Variants in SPAG16 observed in about 807,000 individuals in gnomAD.
The protein encoded by SPAG16 is sperm-associated antigen 16 protein.
Under a neutral mutation model 80.4 loss-of-function variants are expected in SPAG16, and 86 were observed. The ratio of observed to expected loss-of-function variants is 1.07; its 90% CI spans 0.90 to 1.28. The LOEUF (loss-of-function observed/expected upper bound fraction) is 1.28, where lower values mean the gene tolerates loss of function less well. Among genes scored for constraint, SPAG16 ranks in the 50% most tolerant of loss-of-function variants. SPAG16 has a pLI of 0.00. For synonymous variants in SPAG16, 294 were observed against 265.9 expected, an observed-to-expected ratio of 1.11 and a Z score of -1.03; for missense variants, 870 against 765.3, an observed-to-expected ratio of 1.14 and a Z score of -1.61.
At chr2:213,929,526 A>G (rs1298957583) in intron 11 of SPAG16, among the ~76,000 whole-genome samples, 2 of 152,220 alleles carry the variant, frequency 1.3e-5, no homozygotes, top group African/African-American at 4.8e-5. Flanking sequence ...TGAAGCATTT[A>G]ATTAATCTAA....
intron 14 of SPAG16, among the ~76,000 whole-genome samples, chr2:214,116,222 T>C (rs1184847213): frequency 6.6e-6 from 1 of 152,236 alleles, no homozygotes; most frequent in African/African-American, 2.4e-5. Flanking sequence ...GTCTGCTCAA[T>C]GACAGTGGTC....
intron 13 of SPAG16, among the ~76,000 whole-genome samples, chr2:214,100,024 C>T (rs953520808): frequency 6.6e-6 from 1 of 152,034 alleles, no homozygotes; most frequent in East Asian, 1.9e-4. Flanking sequence ...CCCCATGTGT[C>T]GAGGGGAGAC....
intron 15 of SPAG16, among the ~76,000 whole-genome samples, chr2:214,365,706 TC>T (rs979230689): frequency 6.6e-6 from 1 of 152,140 alleles, no homozygotes; most frequent in Non-Finnish European, 1.5e-5. Context: ...ACATTAATTT[TC>T]CCTGCTGTGA....
Position 213,296,071 on chromosome 2 carries a change from C to T in SPAG16, c.144C>T (p.Thr48=). 1.2e-6 allele frequency: 2 copies of T among 1,608,934 alleles called. No individual in the cohort carries two copies. The highest frequency in any genetic ancestry group is 1.7e-6 in the Non-Finnish European group (2 of 1,176,364). ...ACTTGACAAGATATTCAGAGGTCAC[C>T]ATAACTGAAGCATCTGAAGATGACT... ...AEGAYYLEQV[T]ITEASEDDYE... is the part of the protein sequence containing the mutation. Residue 48 remains threonine, a synonymous_variant, in exon 2 of 16, where the codon ACC becomes ACT. Transcript: ENST00000331683.
At chr2:213,492,612 C>G (rs2125739181) in intron 10 of SPAG16, among the ~76,000 whole-genome samples, 1 of 149,846 alleles carries the variant, frequency 6.7e-6, no homozygotes, top group East Asian at 2.0e-4. Flanking sequence ...CATACACATA[C>G]AGAATCTTAG....
chr2:213,603,727 T>C (rs1040289902), intron 10 of SPAG16, among the ~76,000 whole-genome samples: 3 of 152,220 alleles, frequency 2.0e-5, no homozygotes, highest in South Asian at 2.1e-4. Flanking sequence ...TGCTATCTTA[T>C]GATGTATAGA....
At chr2:213,313,181 C>A (rs2063268228) in intron 4 of SPAG16, among the ~76,000 whole-genome samples, 1 of 151,786 alleles carries the variant, frequency 6.6e-6, no homozygotes, top group African/African-American at 2.4e-5. Context: ...TGCTATGTTA[C>A]ATTATGATAC....
At chr2:214,338,305 G>A (rs1233874514) in intron 15 of SPAG16, among the ~76,000 whole-genome samples, 1 of 152,066 alleles carries the variant, frequency 6.6e-6, no homozygotes, top group Non-Finnish European at 1.5e-5. Flanking sequence ...GATCAGGTCA[G>A]GGGTTCAAGA....
At chr2:214,059,226 A>G (rs1264985411) in intron 13 of SPAG16, among the ~76,000 whole-genome samples, 20 of 115,832 alleles carry the variant, frequency 1.7e-4, no homozygotes, top group South Asian at 5.7e-4. Flanking sequence ...GTATGTGTAT[A>G]TATATATATA....
At chr2:213,990,760 C>T (rs1318915855) in intron 12 of SPAG16, among the ~76,000 whole-genome samples, 1 of 152,002 alleles carries the variant, frequency 6.6e-6, no homozygotes, top group Non-Finnish European at 1.5e-5. Context: ...TATAAGTGGA[C>T]TCATGTAGTT....
chr2:213,570,172 C>T (rs1315759510), intron 10 of SPAG16, among the ~76,000 whole-genome samples: 5 of 16,262 alleles, frequency 3.1e-4, no homozygotes, highest in East Asian at 3.3e-3. Flanking sequence ...TTTGTTGATC[C>T]TTTCAAAAAA....
intron 12 of SPAG16, among the ~76,000 whole-genome samples, chr2:213,933,557 G>C (rs758926781): frequency 1.3e-5 from 2 of 152,242 alleles, no homozygotes; most frequent in Non-Finnish European, 2.9e-5. Context: ...GCTCGAAGGA[G>C]AAGGGGTCGG....
At chr2:213,854,894 G>A (rs1252405369) in intron 10 of SPAG16, among the ~76,000 whole-genome samples, 1 of 152,238 alleles carries the variant, frequency 6.6e-6, no homozygotes, top group Non-Finnish European at 1.5e-5. Context: ...TGTAACTAAA[G>A]TTTTGTTGGA....
chr2:214,020,887 C>T (rs2047829589), intron 13 of SPAG16, among the ~76,000 whole-genome samples: 1 of 152,088 alleles, frequency 6.6e-6, no homozygotes, highest in Non-Finnish European at 1.5e-5. Flanking sequence ...AAGGTTACTG[C>T]CCTTATGTAG....
intron 15 of SPAG16, among the ~76,000 whole-genome samples, chr2:214,297,998 T>G (rs759136098): frequency 2.0e-5 from 3 of 151,252 alleles, no homozygotes; most frequent in Non-Finnish European, 4.4e-5. Flanking sequence ...TTTGTTTGTG[T>G]CATCTGCAAT....
chr2:213,618,807 ATTTC>A (rs2061681079), intron 10 of SPAG16, among the ~76,000 whole-genome samples: 1 of 151,734 alleles, frequency 6.6e-6, no homozygotes, highest in Non-Finnish European at 1.5e-5. Context: ...ACACTCCATG[ATTTC>A]TTTGTCTTAG....
At chr2:213,291,641 A>G (rs72935120) in intron 1 of SPAG16, among the ~76,000 whole-genome samples, 32,819 of 152,148 alleles carry the variant, frequency 0.22, 4,398 homozygotes, top group Non-Finnish European at 0.31. Flanking sequence ...TAACACTTGA[A>G]AGTTTTTGGA....
chr2:213,629,818 C>T (rs529047626), intron 10 of SPAG16, among the ~76,000 whole-genome samples: 19 of 152,292 alleles, frequency 1.2e-4, no homozygotes, highest in Admixed American at 9.1e-4. Flanking sequence ...CCTTCAGCCT[C>T]GCTGTCTAAT....
intron 9 of SPAG16, among the ~76,000 whole-genome samples, chr2:213,487,551 C>T (rs2074038640): frequency 6.6e-6 from 1 of 152,032 alleles, no homozygotes; most frequent in Non-Finnish European, 1.5e-5. Context: ...GCAAGTGAAT[C>T]TATGCTTAGA....
Sources: allele counts gnomAD v4.1 joint callset (sites outside exome capture counted in the v4.1 genomes callset), GRCh38; gene constraint gnomAD v4.1.1; transcripts MANE v1.5; gene names NCBI Gene and HGNC (gene_info 2026-07-23, HGNC 2026-07-21).